Variants in FAAP20 observed in about 807,000 individuals in gnomAD.
The protein encoded by FAAP20 is Fanconi anemia core complex-associated protein 20.
A neutral mutation model predicts 16.2 loss-of-function variants in FAAP20; 12 were observed. The observed-to-expected ratio is 0.74, with a 90% CI of 0.48 to 1.20. The LOEUF (loss-of-function observed/expected upper bound fraction) is 1.20. FAAP20 is among the 50% of genes most tolerant of loss of function. The probability of loss-of-function intolerance (pLI) is 0.00; values close to 1 mark genes in which losing one functional copy is unlikely to be tolerated. For missense variants in FAAP20, 288 were observed against 245.8 expected, an observed-to-expected ratio of 1.17 and a Z score of -1.15; for synonymous variants, 141 against 110.7, an observed-to-expected ratio of 1.27 and a Z score of -1.72.
downstream of FAAP20, among the ~76,000 whole-genome samples, chr1:2,211,186 T>C (rs1689423804): frequency 6.6e-6 from 1 of 151,344 alleles, no homozygotes; most frequent in Admixed American, 6.6e-5. Context: ...CCACTGCCTC[T>C]CTTGGGAGCA....
Position 2,189,561 on chromosome 1 carries a change from C to G in FAAP20, c.*148G>C. ...AAGCGGCAGACGTTTCATCACAACACAGAGACAGACAGGAGCCCGCCCTGC... is the reference window on the plus strand; with the variant it reads ...AAGCGGCAGACGTTTCATCACAACAGAGAGACAGACAGGAGCCCGCCCTGC... On this transcript the variant is annotated 3_prime_UTR_variant, in exon 4 of 4. Coordinates refer to ENST00000378546, the MANE Select transcript of FAAP20 (RefSeq NM_182533.4). 2 of 690,340 alleles carry G rather than the reference C, an allele frequency of 2.9e-6. No individual in the cohort carries two copies. The highest frequency in any genetic ancestry group is 5.2e-6 in the Non-Finnish European group (2 of 381,786). The allele number at this position is 690,340 out of a possible 1,614,324, so 42.8% of individuals were successfully genotyped here.
upstream of FAAP20, chr1:2,198,412 C>G (rs1323558409): frequency 5.3e-6 from 2 of 374,072 alleles, no homozygotes; most frequent in Non-Finnish European, 9.8e-6. Flanking sequence ...GCCCACTGAG[C>G]TGGTTTCAGA....
downstream of FAAP20, among the ~76,000 whole-genome samples, chr1:2,207,405 A>G (rs1689301905): frequency 6.6e-6 from 1 of 152,206 alleles, no homozygotes; most frequent in Non-Finnish European, 1.5e-5. Flanking sequence ...GTGAGCCCGC[A>G]AGGTCAGGGA....
At chr1:2,201,004 A>G, upstream of FAAP20, 3 of 1,260,726 alleles carry the variant, frequency 2.4e-6, no homozygotes, top group Non-Finnish European at 3.1e-6. Context: ...TGATGTCCTG[A>G]GATGAGATGC....
chr1:2,198,807 C>A (rs1448416920), upstream of FAAP20: 4 of 1,289,570 alleles, frequency 3.1e-6, no homozygotes, highest in Non-Finnish European at 4.0e-6. Context: ...CAGCCAGGAA[C>A]TGGGCTGTGC....
intron 3 of FAAP20, chr1:2,192,883 A>G: frequency 7.7e-7 from 1 of 1,299,908 alleles, no homozygotes; most frequent in Non-Finnish European, 1.0e-6. Context: ...TACAGGCGTG[A>G]GCCACCGTGC....
Position 2,189,660 on chromosome 1 carries a change from G to GGGGCC in FAAP20, c.*48_*49insGGCCC. On this transcript the variant is annotated 3_prime_UTR_variant, in exon 4 of 4. Transcript: ENST00000378546. ...GCCGAGAGGCGGGGCTGCTGGCGGG[G>GGGGCC]GAGAGCGTGTCCGGGCGCCGCACTC... 1 of 1,509,442 alleles carries GGGGCC rather than the reference G, an allele frequency of 6.6e-7. No homozygotes were observed. Among genetic ancestry groups the GGGGCC allele is most frequent in the Non-Finnish European group, 9.2e-7 (1 of 1,092,698 alleles). 93.5% of individuals were successfully genotyped at this position (1,509,442 alleles called of 1,614,324 possible).
chr1:2,207,974 G>A (rs867206360), downstream of FAAP20, among the ~76,000 whole-genome samples: 36 of 152,182 alleles, frequency 2.4e-4, no homozygotes, highest in Middle Eastern at 3.4e-3. Context: ...GCGCGCATGC[G>A]TGCAGGCATG....
At chr1:2,203,726 T>C (rs951107603), upstream of FAAP20, 2 of 853,014 alleles carry the variant, frequency 2.3e-6, no homozygotes, top group African/African-American at 1.8e-5. Context: ...TCCTGGAGCC[T>C]GGCCTCAGGC....
chr1:2,203,133 G>A (rs756203904), upstream of FAAP20, among the ~76,000 whole-genome samples: 16 of 152,276 alleles, frequency 1.1e-4, no homozygotes, highest in Middle Eastern at 3.4e-3. Context: ...CCAGAGGGCA[G>A]CCCAGGGTCC....
intron 3 of FAAP20, chr1:2,192,889 C>A (rs935707839): frequency 7.7e-7 from 1 of 1,302,180 alleles, no homozygotes. Flanking sequence ...CGTGAGCCAC[C>A]GTGCCCGGCC....
intron 3 of FAAP20, chr1:2,191,873 G>A (rs903953320): frequency 1.1e-5 from 11 of 985,352 alleles, no homozygotes; most frequent in Non-Finnish European, 1.2e-5. Context: ...TGACCCGCAG[G>A]TGTCTGAAAA....
chr1:2,211,995 C>T (rs565193413), downstream of FAAP20, among the ~76,000 whole-genome samples: 13 of 150,018 alleles, frequency 8.7e-5, no homozygotes, highest in Non-Finnish European at 1.5e-4. Context: ...CTCCACCTCC[C>T]AGGTTCACAC....
downstream of FAAP20, among the ~76,000 whole-genome samples, chr1:2,187,464 C>T (rs747522611): frequency 1.8e-4 from 27 of 152,032 alleles, no homozygotes; most frequent in Admixed American, 5.9e-4. Context: ...GCCCCACGCC[C>T]GGCTAATTTT....
At position 2,192,210 on chromosome 1, in the gene FAAP20, T is replaced by G. The variant is rs577361703; in HGVS notation, c.470+1429A>C. The G allele has an allele frequency of 2.3e-3, 2,289 of 985,900 alleles. 3 individuals carry two copies. Among genetic ancestry groups the G allele is most frequent in the Non-Finnish European group, 2.7e-3 (2,211 of 830,354 alleles). The allele number at this position is 985,900 out of a possible 1,614,324, so 61.1% of individuals were successfully genotyped here. On this transcript the variant is annotated intron_variant, in intron 3 of 3. Transcript: ENST00000378546. ...ATCCCAGGGTGGCTGTGCAAACCCT[T>G]GTTCCCAAAGATATGGGGCTTGTCC...
chr1:2,198,152 A>G (rs1308331804), upstream of FAAP20: 2 of 1,288,818 alleles, frequency 1.6e-6, no homozygotes, highest in Non-Finnish European at 2.0e-6. Flanking sequence ...GCTTTATTGG[A>G]AAATAATTTC....
downstream of FAAP20, chr1:2,184,828 G>T (rs532227319): frequency 8.0e-6 from 11 of 1,382,434 alleles, no homozygotes; most frequent in Non-Finnish European, 1.1e-5. Flanking sequence ...TCCAGTGGGC[G>T]TTGGGGGAGG....
chr1:2,191,284 C>G (rs115906375), intron 3 of FAAP20: 7,113 of 152,466 alleles, frequency 0.047, 261 homozygotes, highest in Middle Eastern at 0.092. Flanking sequence ...CTGTCCGTGA[C>G]GCTTCTGCTC....
upstream of FAAP20, chr1:2,199,431 T>C: frequency 2.0e-6 from 2 of 1,004,950 alleles, no homozygotes; most frequent in Non-Finnish European, 2.4e-6. This position sits in a 1 kb window ranked among gnomAD's most constrained non-coding sequence, Gnocchi z 4.5. Context: ...GGCTTCTCTC[T>C]CCACCCCACT....
Sources: gnomAD v4.1 joint callset for allele counts (sites outside exome capture counted in the v4.1 genomes callset) on GRCh38, gnomAD v4.1.1 for gene constraint, Gnocchi (gnomAD v3.1) non-coding constraint, MANE v1.5 for transcripts, NCBI Gene and HGNC (gene_info 2026-07-23, HGNC 2026-07-21) for gene names.